Variants in ARG1 observed in about 807,000 individuals in gnomAD.
ARG1 encodes the protein arginase-1.
ARG1 carries 20 observed loss-of-function variants against 33.0 expected under a neutral mutation model. The ratio of observed to expected loss-of-function variants is 0.61; its 90% confidence interval spans 0.43 to 0.88. ARG1 has a LOEUF of 0.88. ARG1 is among the 40% of genes least tolerant of loss of function. The pLI, the probability that ARG1 is intolerant of heterozygous loss-of-function variation, is 0.00. For missense variants in ARG1, 374 were observed against 384.7 expected (o/e 0.97, Z 0.23); for synonymous variants, 146 against 140.6 (o/e 1.04, Z -0.27).
chr6:131,574,263 T>G, intron 1 of ARG1: 1 of 1,613,954 alleles, frequency 6.2e-7, no homozygotes, highest in Non-Finnish European at 8.5e-7. Flanking sequence ...TTCCTCTTAA[T>G]TTGGAACCCT....
rs971523115 is a variant in ARG1 at position 131,584,110 on chromosome 6, T to C, written c.*202T>C. The stretch of plus-strand genomic sequence containing the variant: ...CTTTTTTGAAATTTAAAAGCTTATA[T>C]TTTCTAACTTGGCAAAAGACTTATC... On this transcript the variant is annotated 3_prime_UTR_variant, in exon 8 of 8. Coordinates refer to ENST00000368087, the MANE Select transcript of ARG1 (RefSeq NM_000045.4). 3 of 610,118 alleles carry C rather than the reference T, an allele frequency of 4.9e-6. No individual in the cohort carries two copies. In the East Asian group the frequency reaches 9.1e-5, roughly 18 times the overall value. The allele number at this position is 610,118 out of a possible 1,614,324, so 37.8% of individuals were successfully genotyped here.
At chr6:131,583,651 T>C in intron 7 of ARG1, 91 bp from the exon 8 acceptor site, 1 of 1,529,196 alleles carries the variant, frequency 6.5e-7, no homozygotes. Context: ...ACTACCTTTT[T>C]CTGTTAGTGG....
Position 131,583,977 on chromosome 6 carries a change from A to G in ARG1, c.*69A>G, listed in dbSNP as rs1381185470. 3 of 1,550,990 alleles carry G rather than the reference A, an allele frequency of 1.9e-6. No individual in the cohort carries two copies. The highest frequency in any genetic ancestry group is 1.4e-5 in the African/African-American group (1 of 73,420). On this transcript the variant is annotated 3_prime_UTR_variant, in exon 8 of 8. Coordinates refer to ENST00000368087, the MANE Select transcript of ARG1 (RefSeq NM_000045.4). ...TAGAAAGCTAATCATTTTCTTAAGCATAGAGTTATCCTTCTAAAGACTTGT... is the reference window on the plus strand; with the variant it reads ...TAGAAAGCTAATCATTTTCTTAAGCGTAGAGTTATCCTTCTAAAGACTTGT...
In ARG1 at chr6:131,576,687, C is replaced by T; in HGVS notation, c.82C>T (p.Pro28Ser). The change falls in exon 2 of 8, where the codon CCT (proline) becomes TCT (serine). Residue 28 changes from proline to serine, a missense_variant. By Grantham distance (74) the Pro-to-Ser change is moderately conservative (BLOSUM62 -1). Transcript: ENST00000368087. ...GCCACGAGGAGGGGTGGAAGAAGGC[C>T]CTACAGTATTGAGAAAGGCTGGTCT... is the stretch of plus-strand genomic sequence containing the variant. ...GQPRGGVEEG[P>S]TVLRKAGLLE... 6.2e-7 allele frequency: 1 copy of T among 1,613,858 alleles called. No individual in the cohort carries two copies. The highest frequency in any genetic ancestry group is 8.5e-7 in the Non-Finnish European group (1 of 1,179,926).
intron 1 of ARG1, among the ~76,000 whole-genome samples, 181 bp from the exon 2 acceptor site, chr6:131,576,482 A>G (rs908604424): frequency 2.0e-5 from 3 of 152,226 alleles, no homozygotes; most frequent in Admixed American, 2.0e-4. Context: ...TCTATTTGGC[A>G]TAAAAGTCAT....
intron 7 of ARG1, 98 bp downstream of exon 7, chr6:131,583,589 C>T: frequency 6.5e-7 from 1 of 1,544,600 alleles, no homozygotes; most frequent in Non-Finnish European, 8.9e-7. Context: ...CTGACACTTT[C>T]AGAATGTCCA....
At chr6:131,579,064 T>C (rs1421591928) in intron 2 of ARG1, 47 bp from the exon 3 acceptor site, 1 of 1,600,290 alleles carries the variant, frequency 6.2e-7, no homozygotes, top group Non-Finnish European at 8.6e-7. Flanking sequence ...ACAGACTGAT[T>C]TATAATCTAC....
At chr6:131,574,278 G>T (rs761201274) in intron 1 of ARG1, 1 of 1,613,956 alleles carries the variant, frequency 6.2e-7, no homozygotes, top group South Asian at 1.1e-5. Flanking sequence ...AACCCTTGCT[G>T]TGTACTCTGA....
intron 1 of ARG1, chr6:131,574,019 C>T: frequency 2.0e-6 from 1 of 494,342 alleles, no homozygotes; most frequent in Non-Finnish European, 3.7e-6. Context: ...GATTTCCTTA[C>T]AGCCACGAGC....
chr6:131,578,320 A>C (rs1378141640), intron 2 of ARG1, among the ~76,000 whole-genome samples: 4 of 152,152 alleles, frequency 2.6e-5, no homozygotes, highest in Non-Finnish European at 5.9e-5. Flanking sequence ...GGCGTTACTA[A>C]ATCAGATTCA....
chr6:131,580,402 G>A (rs767960449), intron 3 of ARG1, among the ~76,000 whole-genome samples: 3 of 152,136 alleles, frequency 2.0e-5, no homozygotes, highest in East Asian at 1.9e-4. Context: ...CTTCCACTTC[G>A]AGAATCTAAA....
At chr6:131,576,767 A>T (rs745500077) in intron 2 of ARG1, 32 bp downstream of exon 2, 2 of 1,578,512 alleles carry the variant, frequency 1.3e-6, no homozygotes, top group South Asian at 1.1e-5. Context: ...GATCAGCCTG[A>T]TTTCCTCCCC....
chr6:131,581,808 C>A (rs73778022), intron 4 of ARG1, among the ~76,000 whole-genome samples: 10,343 of 152,052 alleles, frequency 0.068, 533 homozygotes, highest in East Asian at 0.16. Context: ...AGAGGCTTTT[C>A]AAAAAAGAAA....
chr6:131,574,584 CA>C (rs1171328450), intron 1 of ARG1, among the ~76,000 whole-genome samples: 7 of 152,128 alleles, frequency 4.6e-5, no homozygotes, highest in Admixed American at 1.3e-4. Context: ...TTCATTGTCT[CA>C]TGATTGTAAG....
chr6:131,579,390 T>C, intron 3 of ARG1, 105 bp downstream of exon 3: 1 of 1,310,446 alleles, frequency 7.6e-7, no homozygotes, highest in Non-Finnish European at 1.0e-6. Flanking sequence ...CATTGACCTA[T>C]ATTTTATATC....
chr6:131,578,186 T>TAAA (rs34484161), intron 2 of ARG1, among the ~76,000 whole-genome samples: 1 of 140,096 alleles, frequency 7.1e-6, no homozygotes, highest in Non-Finnish European at 1.5e-5. Context: ...CGTAAATCTT[T>TAAA]AAAAAAAAAA....
intron 2 of ARG1, among the ~76,000 whole-genome samples, chr6:131,577,590 A>C (rs758453376): frequency 1.3e-5 from 2 of 152,066 alleles, no homozygotes; most frequent in Non-Finnish European, 2.9e-5. Flanking sequence ...ATGCAACGAG[A>C]TAGTATTCAA....
At position 131,573,236 on chromosome 6, in the gene ARG1, G is replaced by T. The variant is rs776217305; in HGVS notation, c.-47G>T. On this transcript the variant is annotated 5_prime_UTR_variant, in exon 1 of 8. Transcript: ENST00000368087. ...AAAGATGCGCCCTCTGTCACTGAGGGTTGACTGACTGGAGAGCTCAAGTGC... is the reference window on the plus strand; with the variant it reads ...AAAGATGCGCCCTCTGTCACTGAGGTTTGACTGACTGGAGAGCTCAAGTGC... The T allele has an allele frequency of 3.1e-6, 5 of 1,609,732 alleles. No individual in the cohort carries two copies. Among genetic ancestry groups the T allele is most frequent in the Non-Finnish European group, 4.3e-6 (5 of 1,176,090 alleles).
chr6:131,574,585 A>G (rs1773522509), intron 1 of ARG1, among the ~76,000 whole-genome samples: 1 of 152,180 alleles, frequency 6.6e-6, no homozygotes, highest in Non-Finnish European at 1.5e-5. Context: ...TCATTGTCTC[A>G]TGATTGTAAG....
Sources: allele counts gnomAD v4.1 joint callset (sites outside exome capture counted in the v4.1 genomes callset), GRCh38; gene constraint gnomAD v4.1.1; transcripts MANE v1.5; gene names NCBI Gene and HGNC (gene_info 2026-07-23, HGNC 2026-07-21).